KCNQ1: variants seen among roughly 807,000 people sequenced by gnomAD.
KCNQ1 encodes the protein potassium voltage-gated channel subfamily Q member 1.
In KCNQ1, 49 loss-of-function variants were observed where a neutral mutation model predicts 72.4. That is an observed-to-expected ratio of 0.68 (90% CI 0.54 to 0.86). The LOEUF (loss-of-function observed/expected upper bound fraction) is 0.86. Among genes scored for constraint, KCNQ1 ranks in the 40% least tolerant of loss-of-function variants. KCNQ1 has a pLI of 0.00. For missense variants in KCNQ1, 790 were observed against 945.1 expected, an observed-to-expected ratio of 0.84 and a Z score of 2.15; for synonymous variants, 450 against 412.6, an observed-to-expected ratio of 1.09 and a Z score of -1.10.
In KCNQ1 at chr11:2,826,661, G is replaced by A. The variant is rs1464700763; in HGVS notation, c.1795-21106G>A. On this transcript the variant is annotated intron_variant, in intron 15 of 15. Coordinates refer to ENST00000155840, the MANE Select transcript of KCNQ1 (RefSeq NM_000218.3). This position sits in a 1 kb window ranked among gnomAD's most constrained non-coding sequence, Gnocchi z 4.2. ...CACCCAGCCCACCACTGTGCTCCCA[G>A]AGGGAGAACAGAGAGGGGTGCAGAG... Among the ~76,000 whole-genome samples, 2 of 152,260 alleles carry A rather than the reference G, an allele frequency of 1.3e-5. No individual in the cohort carries two copies. Among genetic ancestry groups the A allele is most frequent in the African/African-American group, 4.8e-5 (2 of 41,474 alleles).
Position 2,599,881 on chromosome 11 carries a change from C to T in KCNQ1, c.1393+11027C>T, listed in dbSNP as rs1033105908. On this transcript the variant is annotated intron_variant, in intron 10 of 15. Transcript: ENST00000155840. The surrounding 1 kb of genome is among the most constrained non-coding windows in gnomAD (Gnocchi z 4.7). ...TCCTGTCTCCAAACATGCTGAGTCA[C>T]GTGCCGAGGTATTAAAGACCAGGGC... Among the ~76,000 whole-genome samples the T allele has an allele frequency of 5.3e-5, 8 of 152,364 alleles. No homozygotes were observed. The East Asian group carries it at 9.6e-4, about 18-fold the overall frequency.
chr11:2,573,107 C>T, intron 6 of KCNQ1, 121 bp downstream of exon 6: 2 of 1,201,438 alleles, frequency 1.7e-6, no homozygotes, highest in South Asian at 1.5e-5. Flanking sequence ...CCTGCACGCT[C>T]ACAGGCCTCT....
rs146152752 is a variant in KCNQ1, at chr11:2,471,591, G to A, written c.386+26107G>A. On this transcript the variant is annotated intron_variant, in intron 1 of 15. Coordinates refer to ENST00000155840, the MANE Select transcript of KCNQ1 (RefSeq NM_000218.3). This position sits in a 1 kb window ranked among gnomAD's most constrained non-coding sequence, Gnocchi z 4.8. ...ATGTGTGTGTGTGCACGTGTGTATG[G>A]GTGCGTGTGCACCTGTGTATATGGG... 2.0e-5 allele frequency among the ~76,000 whole-genome samples: 3 copies of A among 151,708 alleles called. No individual in the cohort carries two copies. Among genetic ancestry groups the A allele is most frequent in the Non-Finnish European group, 3.0e-5 (2 of 67,788 alleles).
chr11:2,501,661 C>T (rs1027760518), intron 1 of KCNQ1, among the ~76,000 whole-genome samples: 5 of 140,632 alleles, frequency 3.6e-5, no homozygotes, highest in Non-Finnish European at 6.1e-5. Flanking sequence ...GGGAATACCT[C>T]CAAACTCATC....
rs561516785 is a variant in KCNQ1, at chr11:2,561,947, C to T, written c.478-8681C>T. Among the ~76,000 whole-genome samples, 3 of 152,234 alleles carry T rather than the reference C, an allele frequency of 2.0e-5. No homozygotes were observed. The East Asian group carries it at 5.8e-4, about 30-fold the overall frequency. Reference sequence around the variant, plus strand: ...GTTCCATGGGGCCTGGGGAAGCAGCCGAGCAGAAGGATGCAGCCCGACTAA... The same window carrying T: ...GTTCCATGGGGCCTGGGGAAGCAGCTGAGCAGAAGGATGCAGCCCGACTAA... On this transcript the variant is annotated intron_variant, in intron 2 of 15. Coordinates refer to ENST00000155840, the MANE Select transcript of KCNQ1 (RefSeq NM_000218.3).
rs1847871784 is a variant in KCNQ1, at chr11:2,827,877, G to A, written c.1795-19890G>A. Among the ~76,000 whole-genome samples, 1 of 152,200 alleles carries A rather than the reference G, an allele frequency of 6.6e-6. No individual in the cohort carries two copies. Among genetic ancestry groups the A allele is most frequent in the African/African-American group, 2.4e-5 (1 of 41,444 alleles). On this transcript the variant is annotated intron_variant, in intron 15 of 15. Coordinates refer to ENST00000155840, the MANE Select transcript of KCNQ1 (RefSeq NM_000218.3). The surrounding 1 kb of genome is among the most constrained non-coding windows in gnomAD (Gnocchi z 6.7). ...CAGAAGGCAGCGAGAGCTTTGTTTG[G>A]GGTGTGTCGAATTCAAGATGCCTCT...
At position 2,664,662 on chromosome 11, in the gene KCNQ1, G is replaced by A. The variant is rs780955344; in HGVS notation, c.1514+2581G>A. ...GGCTCCAGCTGCTCAGGGATGCAGC[G>A]AAGCTCCTGTGGGCAGCCTGGCCCC... On this transcript the variant is annotated intron_variant, in intron 11 of 15. Coordinates refer to ENST00000155840, the MANE Select transcript of KCNQ1 (RefSeq NM_000218.3). The surrounding 1 kb of genome is among the most constrained non-coding windows in gnomAD (Gnocchi z 5.1). 1.0e-5 allele frequency: 4 copies of A among 398,708 alleles called. No individual in the cohort carries two copies. Among genetic ancestry groups the A allele is most frequent in the African/African-American group, 2.1e-5 (1 of 48,630 alleles). 24.7% of individuals were successfully genotyped at this position (398,708 alleles called of 1,614,324 possible). A position where few individuals can be genotyped will look rare whatever the true frequency, so the allele number is the denominator to read the frequency against.
rs1848635107 is a variant in KCNQ1 at position 2,588,969 on chromosome 11, T to G, written c.1393+115T>G. 20 of 1,252,154 alleles carry G rather than the reference T, an allele frequency of 1.6e-5. No individual in the cohort carries two copies. The highest frequency in any genetic ancestry group is 2.1e-5 in the Non-Finnish European group (19 of 885,144). The allele number at this position is 1,252,154 out of a possible 1,614,324, so 77.6% of individuals were successfully genotyped here. A position where few individuals can be genotyped will look rare whatever the true frequency, so the allele number is the denominator to read the frequency against. Reference sequence around the variant, plus strand: ...TGGGCTGTGGTCTCTGACAACGAGGTATGAACAGACAGAGGGTGGAGCTTC... The same window carrying G: ...TGGGCTGTGGTCTCTGACAACGAGGGATGAACAGACAGAGGGTGGAGCTTC... On this transcript the variant is annotated intron_variant, in intron 10 of 15. Transcript: ENST00000155840. The surrounding 1 kb of genome is among the most constrained non-coding windows in gnomAD (Gnocchi z 5.6).
At position 2,678,615 on chromosome 11, in the gene KCNQ1, A is replaced by C; in HGVS notation, c.1514+16534A>C. ...TGTAGCAGGACTCCCCCTCATCTCC[A>C]TTACTTAAGAGCCAATAATGGGAAG... On this transcript the variant is annotated intron_variant, in intron 11 of 15. Transcript: ENST00000155840. This position sits in a 1 kb window ranked among gnomAD's most constrained non-coding sequence, Gnocchi z 4.9. 2.5e-6 allele frequency: 1 copy of C among 398,450 alleles called. No individual in the cohort carries two copies. The highest frequency in any genetic ancestry group is 4.4e-6 in the Non-Finnish European group (1 of 226,060). 24.7% of individuals were successfully genotyped at this position (398,450 alleles called of 1,614,324 possible).
intron 15 of KCNQ1, among the ~76,000 whole-genome samples, chr11:2,833,568 C>T (rs547910483): frequency 6.6e-6 from 1 of 152,362 alleles, no homozygotes; most frequent in Non-Finnish European, 1.5e-5. Context: ...CGCCAGCAAC[C>T]GTGTCACTGG....
At position 2,507,754 on chromosome 11, in the gene KCNQ1, G is replaced by T. The variant is rs1589918637; in HGVS notation, c.387-20174G>T. On this transcript the variant is annotated intron_variant, in intron 1 of 15. Coordinates refer to ENST00000155840, the MANE Select transcript of KCNQ1 (RefSeq NM_000218.3). The surrounding 1 kb of genome is among the most constrained non-coding windows in gnomAD (Gnocchi z 5.4). Reference sequence around the variant, plus strand: ...GTGTGTAAATGACATGAGCGCAGGGGCTAGACAGGGCCTCCTGTAGCCTGG... The same window carrying T: ...GTGTGTAAATGACATGAGCGCAGGGTCTAGACAGGGCCTCCTGTAGCCTGG... Among the ~76,000 whole-genome samples, 1 of 152,098 alleles carries T rather than the reference G, an allele frequency of 6.6e-6. No homozygotes were observed. Among genetic ancestry groups the T allele is most frequent in the East Asian group, 1.9e-4 (1 of 5,168 alleles).
intron 15 of KCNQ1, among the ~76,000 whole-genome samples, chr11:2,793,697 A>C (rs2134012450): frequency 6.6e-6 from 1 of 152,298 alleles, no homozygotes; most frequent in African/African-American, 2.4e-5. Context: ...AGAAGTCACA[A>C]GGAGCAGAAA....
At chr11:2,583,606 T>A in intron 7 of KCNQ1, 61 bp downstream of exon 7, 1 of 1,123,026 alleles carries the variant, frequency 8.9e-7, no homozygotes. Context: ...CTGGGGTGGC[T>A]GCACGCCCCT....
Position 2,593,749 on chromosome 11 carries a change from CCTCCTCCTG to C in KCNQ1, c.1393+4900_1393+4908del, listed in dbSNP as rs1406799027. On this transcript the variant is annotated intron_variant, in intron 10 of 15. Coordinates refer to ENST00000155840, the MANE Select transcript of KCNQ1 (RefSeq NM_000218.3). This position sits in a 1 kb window ranked among gnomAD's most constrained non-coding sequence, Gnocchi z 6.9. ...TGGTTCTCACAGGGTCAGGCTGTAG[CCTCCTCCTG>C]CTCCCGGCTCCGCGTCCTCAGCCCA... Among the ~76,000 whole-genome samples, 3 of 152,190 alleles carry C rather than the reference CCTCCTCCTG, an allele frequency of 2.0e-5. No homozygotes were observed. The highest frequency in any genetic ancestry group is 4.4e-5 in the Non-Finnish European group (3 of 68,028).
rs186423421 is a variant in KCNQ1 at position 2,546,317 on chromosome 11, T to C, written c.477+18299T>C. On this transcript the variant is annotated intron_variant, in intron 2 of 15. Transcript: ENST00000155840. Reference sequence around the variant, plus strand: ...TATAGAAACACTTAATATAATTTGGTCTCTTAAAATATATTAAGACTTGAT... The same window carrying C: ...TATAGAAACACTTAATATAATTTGGCCTCTTAAAATATATTAAGACTTGAT... Among the ~76,000 whole-genome samples the C allele has an allele frequency of 2.0e-5, 3 of 152,340 alleles. No homozygotes were observed. In the East Asian group the frequency reaches 5.8e-4, roughly 29 times the overall value.
At chr11:2,570,220 G>A (rs1192488217) in intron 2 of KCNQ1, among the ~76,000 whole-genome samples, 2 of 150,904 alleles carry the variant, frequency 1.3e-5, no homozygotes, top group Non-Finnish European at 2.9e-5. Context: ...GGCGTCGGAC[G>A]CCCTCTGGCC....
At chr11:2,649,728 T>A (rs1849728741) in intron 10 of KCNQ1, 1 of 398,562 alleles carries the variant, frequency 2.5e-6, no homozygotes, top group African/African-American at 2.1e-5. Flanking sequence ...TTTTTTAAAT[T>A]CTCTCTTTGA....
chr11:2,485,325 A>G (rs1460377783), intron 1 of KCNQ1, among the ~76,000 whole-genome samples: 4 of 151,894 alleles, frequency 2.6e-5, no homozygotes, highest in Non-Finnish European at 5.9e-5. Context: ...GAGGAGAGCC[A>G]GGCGCCCACC....
At chr11:2,522,176 C>T (rs951203413) in intron 1 of KCNQ1, among the ~76,000 whole-genome samples, 1 of 149,912 alleles carries the variant, frequency 6.7e-6, no homozygotes, top group South Asian at 2.1e-4. Context: ...TTCTGGGGTG[C>T]GGTGGGCTCC....
Sources: allele counts gnomAD v4.1 joint callset (sites outside exome capture counted in the v4.1 genomes callset), GRCh38; gene constraint gnomAD v4.1.1; non-coding constraint Gnocchi (gnomAD v3.1); transcripts MANE v1.5; gene names NCBI Gene and HGNC (gene_info 2026-07-23, HGNC 2026-07-21).